The following GLUL variants were observed in gnomAD, a reference collection of about 807,000 sequenced individuals.
GLUL encodes glutamate-ammonia ligase.
GLUL carries 8 observed loss-of-function variants against 36.9 expected under a neutral mutation model. The ratio of observed to expected loss-of-function variants is 0.22; its 90% CI spans 0.13 to 0.39. GLUL has a LOEUF of 0.39. Among genes scored for constraint, GLUL ranks in the 10% least tolerant of loss-of-function variants. The pLI, the probability that GLUL is intolerant of heterozygous loss-of-function variation, is 1.00. For synonymous variants in GLUL, 182 were observed against 172.8 expected (o/e 1.05, Z -0.42); for missense variants, 315 against 501.8 (o/e 0.63, Z 3.56).
At position 182,380,887 on chromosome 1, in the gene GLUL, G is replaced by T. The variant is rs914825978; in HGVS notation, c.*3518C>A. On this transcript the variant is annotated 3_prime_UTR_variant, in exon 7 of 7. Coordinates refer to ENST00000331872, the MANE Select transcript of GLUL (RefSeq NM_001033044.4). ...TTTCACTTAGTGGTAAAAGGGCCAA[G>T]AATAGTTCAGGAACTTCTCATCCAC... is the stretch of plus-strand genomic sequence containing the variant. Among the ~76,000 whole-genome samples, 3 of 152,236 alleles carry T rather than the reference G, an allele frequency of 2.0e-5. No homozygotes were observed. Among genetic ancestry groups the T allele is most frequent in the African/African-American group, 7.2e-5 (3 of 41,454 alleles).
chr1:182,389,071 T>G, intron 1 of GLUL: 1 of 363,038 alleles, frequency 2.8e-6, no homozygotes, highest in South Asian at 2.2e-5. Flanking sequence ...CAGGCTTAAG[T>G]TCCACAGCTA....
In GLUL at chr1:182,382,430, G is replaced by A. The variant is rs1267992014; in HGVS notation, c.*1975C>T. ...AAGATACACCCAAGGATGAGCCCATGCCTAGGGCATAGCCAGCCTTGGAAG... is the reference window on the plus strand; with the variant it reads ...AAGATACACCCAAGGATGAGCCCATACCTAGGGCATAGCCAGCCTTGGAAG... On this transcript the variant is annotated 3_prime_UTR_variant, in exon 7 of 7. Transcript: ENST00000331872. 6.6e-6 allele frequency: 1 copy of A among 152,256 alleles called. No individual in the cohort carries two copies. Among genetic ancestry groups the A allele is most frequent in the Non-Finnish European group, 1.5e-5 (1 of 68,066 alleles). The allele number at this position is 152,256 out of a possible 1,614,324, so 9.4% of individuals were successfully genotyped here.
chr1:182,386,569 GAGA>G, intron 3 of GLUL, 167 bp from the exon 4 acceptor site: 1 of 703,096 alleles, frequency 1.4e-6, no homozygotes, highest in South Asian at 1.5e-5. Context: ...AGAAAAATGA[GAGA>G]AGCTGTTAAT....
At chr1:182,390,923 G>A (rs1488977618) in intron 1 of GLUL, 1 of 398,352 alleles carries the variant, frequency 2.5e-6, no homozygotes, top group East Asian at 3.6e-5. Context: ...TGTCCCTAAA[G>A]TGGGCGCCCT....
chr1:182,385,840 T>G lies in GLUL; in HGVS notation c.523A>C (p.Ile175Leu). The G allele has an allele frequency of 6.2e-7, 1 of 1,613,782 alleles. No individual in the cohort carries two copies. Among genetic ancestry groups the G allele is most frequent in the Non-Finnish European group, 8.5e-7 (1 of 1,179,642 alleles). ...VGADRAYGRD[I>L]VEAHYRACLY... is the part of the protein sequence containing the mutation. ...CAGGCCCGGTAATGGGCCTCCACGA[T>G]GTCCCTGCCATAGGCTCTGTCTGCT... The change falls in exon 5 of 7, where the codon ATC becomes CTC. Residue 175 changes from isoleucine (I) to leucine (L), a missense_variant. By Grantham distance (5) the Ile-to-Leu change is conservative. Coordinates refer to ENST00000331872, the MANE Select transcript of GLUL (RefSeq NM_001033044.4).
chr1:182,383,499 A>G lies in GLUL; in HGVS notation c.*906T>C, dbSNP rs1650027112. The G allele has an allele frequency of 6.6e-6, 1 of 152,144 alleles. No individual in the cohort carries two copies. The highest frequency in any genetic ancestry group is 1.5e-5 in the Non-Finnish European group (1 of 68,026). The allele number at this position is 152,144 out of a possible 1,614,324, so 9.4% of individuals were successfully genotyped here. A position where few individuals can be genotyped will look rare whatever the true frequency, so the allele number is the denominator to read the frequency against. The stretch of plus-strand genomic sequence containing the variant: ...CTAGTAACGTGTTGTCTGTTAACTA[A>G]TCCAGTGCCCACCTTCTCCAGAGGG... On this transcript the variant is annotated 3_prime_UTR_variant, in exon 7 of 7. Coordinates refer to ENST00000331872, the MANE Select transcript of GLUL (RefSeq NM_001033044.4).
At chr1:182,384,787 G>C in intron 6 of GLUL, 64 bp from the exon 7 acceptor site, 1 of 1,189,464 alleles carries the variant, frequency 8.4e-7, no homozygotes, top group Non-Finnish European at 1.3e-6. Flanking sequence ...AGAATGAAGT[G>C]CACCAAAATA....
Position 182,384,453 on chromosome 1 carries a change from C to T in GLUL, c.1074G>A (p.Thr358=), listed in dbSNP as rs145595304. 27 of 1,613,636 alleles carry T rather than the reference C, an allele frequency of 1.7e-5. No individual in the cohort carries two copies. The highest frequency in any genetic ancestry group is 3.3e-4 in the Middle Eastern group (2 of 6,078). The part of the protein sequence containing the change: ...PFSVTEALIR[T]CLLNETGDEP... The stretch of plus-strand genomic sequence containing the variant: ...CATCGCCGGTTTCATTGAGAAGACA[C>T]GTGCGGATGAGGGCTTCTGTCACCG... Residue 358 remains threonine, a synonymous_variant, in exon 7 of 7, where the codon ACG becomes ACA. Transcript: ENST00000331872.
intron 3 of GLUL, 133 bp from the exon 4 acceptor site, chr1:182,386,535 A>T: frequency 1.3e-6 from 1 of 788,154 alleles, no homozygotes. Flanking sequence ...GACCCAGTAT[A>T]GGCCTTCTTG....
rs1021961200 is a variant in GLUL at position 182,391,749 on chromosome 1, A to C, written c.-84T>G. On this transcript the variant is annotated 5_prime_UTR_variant, in exon 1 of 7. Coordinates refer to ENST00000331872, the MANE Select transcript of GLUL (RefSeq NM_001033044.4). ...AGGTTAGGAGAGGAGAGGAGGCCGC[A>C]GTACTGCTCACACGCTCCGCTCTTC... is the stretch of plus-strand genomic sequence containing the variant. 6.6e-6 allele frequency: 1 copy of C among 152,484 alleles called. No homozygotes were observed. The highest frequency in any genetic ancestry group is 2.4e-5 in the African/African-American group (1 of 41,464). 9.4% of individuals were successfully genotyped at this position (152,484 alleles called of 1,614,324 possible).
Position 182,383,631 on chromosome 1 carries a change from C to T in GLUL, c.*774G>A, listed in dbSNP as rs542344530. 7.3e-4 allele frequency: 111 copies of T among 152,336 alleles called. 2 individuals are homozygous for T. The highest frequency in any genetic ancestry group is 2.6e-3 in the African/African-American group (108 of 41,562). 9.4% of individuals were successfully genotyped at this position (152,336 alleles called of 1,614,324 possible). On this transcript the variant is annotated 3_prime_UTR_variant, in exon 7 of 7. Transcript: ENST00000331872. ...CAAAATGAGATGCTTTATTTCTAATCCGACTATTTGTCTCAAATTTGGTGC... is the reference window on the plus strand; with the variant it reads ...CAAAATGAGATGCTTTATTTCTAATTCGACTATTTGTCTCAAATTTGGTGC...
At chr1:182,391,419 A>C (rs2101939896) in intron 1 of GLUL, 35 of 382,106 alleles carry the variant, frequency 9.2e-5, no homozygotes, top group Middle Eastern at 6.6e-4. Context: ...AGAAGATCAA[A>C]ACAACTCACC....
chr1:182,385,259 GTC>G (rs1252335180), intron 6 of GLUL, 96 bp downstream of exon 6: 1 of 934,820 alleles, frequency 1.1e-6, no homozygotes, highest in African/African-American at 1.6e-5. Flanking sequence ...ATATTTGCAA[GTC>G]ATCCTGCAAA....
intron 1 of GLUL, 81 bp downstream of exon 1, chr1:182,391,598 A>C: frequency 1.4e-4 from 25 of 173,570 alleles, no homozygotes; most frequent in East Asian, 6.0e-4. Flanking sequence ...CAGCCGAAAA[A>C]AGAGGCTGGG....
chr1:182,389,184 T>C (rs1188129780), intron 1 of GLUL: 1 of 193,420 alleles, frequency 5.2e-6, no homozygotes, highest in Admixed American at 5.3e-5. Flanking sequence ...AATACTAAAC[T>C]ATCAGAGGAA....
intron 2 of GLUL, 98 bp downstream of exon 2, chr1:182,388,472 CAG>C (rs1255866642): frequency 9.5e-6 from 10 of 1,048,982 alleles, no homozygotes; most frequent in Admixed American, 5.3e-5. Context: ...CCTTTACAAA[CAG>C]AAGAAAGAGG....
At position 182,378,593 on chromosome 1, in the gene GLUL, G is replaced by C. The variant is rs1263733865; in HGVS notation, c.*5812C>G. On this transcript the variant is annotated 3_prime_UTR_variant, in exon 7 of 7. Transcript: ENST00000331872. ...ATCTCGGCGAATTCTCTTGTGTACT[G>C]TTTCTGGAACATATATTACTAAATT... Among the ~76,000 whole-genome samples, 1 of 152,086 alleles carries C rather than the reference G, an allele frequency of 6.6e-6. No homozygotes were observed. The highest frequency in any genetic ancestry group is 1.5e-5 in the Non-Finnish European group (1 of 68,024).
Position 182,388,568 on chromosome 1 carries a change from T to C in GLUL, c.166+4A>G. On this transcript the variant is annotated splice_donor_region_variant and intron_variant, in intron 2 of 6. Transcript: ENST00000331872. ...ATGTGCTCCACTCCACATTGCTGTC[T>C]CACCTTCCACACACTTGGGCTCACT... The C allele has an allele frequency of 6.2e-7, 1 of 1,613,554 alleles. No homozygotes were observed. The highest frequency in any genetic ancestry group is 8.5e-7 in the Non-Finnish European group (1 of 1,179,540).
At position 182,384,090 on chromosome 1, in the gene GLUL, G is replaced by C; in HGVS notation, c.*315C>G. 2.6e-6 allele frequency: 1 copy of C among 384,880 alleles called. No individual in the cohort carries two copies. The highest frequency in any genetic ancestry group is 2.2e-5 in the South Asian group (1 of 45,094). 23.8% of individuals were successfully genotyped at this position (384,880 alleles called of 1,614,324 possible). On this transcript the variant is annotated 3_prime_UTR_variant, in exon 7 of 7. Transcript: ENST00000331872. ...CCCCTTCTGCAAACGTGCTCTGTCC[G>C]GATAGCTACGCCTATTGGACAGGTG... is the stretch of plus-strand genomic sequence containing the variant.
Sources: allele counts gnomAD v4.1 joint callset (sites outside exome capture counted in the v4.1 genomes callset), GRCh38; gene constraint gnomAD v4.1.1; transcripts MANE v1.5; gene names NCBI Gene and HGNC (gene_info 2026-07-23, HGNC 2026-07-21).